Variants in BICD1 observed in about 807,000 individuals in gnomAD.
BICD1 encodes the protein protein bicaudal D homolog 1.
BICD1 carries 35 observed loss-of-function variants against 92.5 expected under a neutral mutation model. The ratio of observed to expected loss-of-function variants is 0.38; its 90% CI spans 0.29 to 0.50. The LOEUF (loss-of-function observed/expected upper bound fraction) is 0.50. Among genes scored for constraint, BICD1 ranks in the 20% least tolerant of loss-of-function variants. The pLI is 0.93. For synonymous variants in BICD1, 429 were observed against 465.1 expected, an observed-to-expected ratio of 0.92 and a Z score of 1.00; for missense variants, 950 against 1,189.8, an observed-to-expected ratio of 0.80 and a Z score of 2.97.
intron 2 of BICD1, among the ~76,000 whole-genome samples, chr12:32,252,788 A>C (rs1366034957): frequency 2.0e-5 from 3 of 152,168 alleles, no homozygotes; most frequent in South Asian, 2.1e-4. Context: ...TCTTGTAGTC[A>C]TGATATGTCT....
intron 8 of BICD1, among the ~76,000 whole-genome samples, chr12:32,357,541 G>C (rs1009855427): frequency 6.6e-6 from 1 of 152,166 alleles, no homozygotes; most frequent in African/African-American, 2.4e-5. Context: ...GGCTGTGTTA[G>C]TCTGCTGGGG....
Position 32,381,545 on chromosome 12 carries a change from T to A in BICD1, c.*3918T>A, listed in dbSNP as rs1417577850. 6.6e-6 allele frequency: 1 copy of A among 152,138 alleles called. No homozygotes were observed. Among genetic ancestry groups the A allele is most frequent in the East Asian group, 1.9e-4 (1 of 5,200 alleles). 9.4% of individuals were successfully genotyped at this position (152,138 alleles called of 1,614,324 possible). ...TGTATTAATTAAAGTTCTCTACATG[T>A]CTCAAATGGAGATCACAAAACATGA... On this transcript the variant is annotated 3_prime_UTR_variant, in exon 10 of 10. Transcript: ENST00000652176.
intron 2 of BICD1, among the ~76,000 whole-genome samples, chr12:32,237,740 C>T (rs2650133): frequency 0.42 from 63,322 of 151,952 alleles, 14,671 homozygotes; most frequent in Non-Finnish European, 0.51. Context: ...GCTGTTGAGA[C>T]CTACCACTCA....
intron 2 of BICD1, among the ~76,000 whole-genome samples, chr12:32,284,566 C>T (rs1474334429): frequency 1.3e-5 from 2 of 152,140 alleles, no homozygotes; most frequent in Admixed American, 6.5e-5. Flanking sequence ...GGCATTGGAG[C>T]AGCTGCTTAA....
At chr12:32,150,166 C>G (rs1347946040) in intron 1 of BICD1, among the ~76,000 whole-genome samples, 1 of 152,180 alleles carries the variant, frequency 6.6e-6, no homozygotes, top group Non-Finnish European at 1.5e-5. Flanking sequence ...CACCGGGTCC[C>G]TCCTACAACA....
intron 1 of BICD1, chr12:32,108,417 C>A (rs1368797970): frequency 3.0e-6 from 1 of 332,900 alleles, no homozygotes; most frequent in African/African-American, 2.1e-5. Flanking sequence ...GCTTTGATTT[C>A]CTATCAGTCA....
chr12:32,302,453 G>T (rs1183645755), intron 3 of BICD1, among the ~76,000 whole-genome samples: 1 of 152,168 alleles, frequency 6.6e-6, no homozygotes, highest in Non-Finnish European at 1.5e-5. Context: ...AGGGACACAT[G>T]CCTTTGAGCA....
In BICD1 at chr12:32,284,524, C is replaced by T. The variant is rs545913245; in HGVS notation, c.427-9470C>T. Among the ~76,000 whole-genome samples the T allele has an allele frequency of 3.3e-5, 5 of 152,208 alleles. No homozygotes were observed. The East Asian group carries it at 5.8e-4, about 18-fold the overall frequency. ...AACTGAGATGTTCCCCGATCTGTCC[C>T]CTCCGTATTCTTCATGTCTTCTCTC... is the stretch of plus-strand genomic sequence containing the variant. On this transcript the variant is annotated intron_variant, in intron 2 of 9. Coordinates refer to ENST00000652176, the MANE Select transcript of BICD1 (RefSeq NM_001714.4).
At chr12:32,322,466 A>G (rs1592671388) in intron 4 of BICD1, among the ~76,000 whole-genome samples, 1 of 152,128 alleles carries the variant, frequency 6.6e-6, no homozygotes, top group African/African-American at 2.4e-5. Flanking sequence ...GCAGTTCACA[A>G]TAGGGTTCGC....
intron 8 of BICD1, among the ~76,000 whole-genome samples, chr12:32,365,821 C>CT (rs1402409200): frequency 2.0e-5 from 3 of 152,124 alleles, no homozygotes; most frequent in African/African-American, 4.8e-5. Context: ...CCTTAAGACT[C>CT]TGAGTTTCTA....
intron 1 of BICD1, chr12:32,109,554 C>A (rs663042): frequency 1.3e-5 from 2 of 151,656 alleles, no homozygotes; most frequent in African/African-American, 4.8e-5. Context: ...ATATTTTGTT[C>A]TATATAGCAG....
At chr12:32,259,024 A>G (rs141920855) in intron 2 of BICD1, among the ~76,000 whole-genome samples, 24 of 152,238 alleles carry the variant, frequency 1.6e-4, no homozygotes, top group African/African-American at 5.5e-4. Context: ...CTGCTAAGTA[A>G]CAGGTGCTTT....
chr12:32,114,777 T>C (rs528008139), intron 1 of BICD1, among the ~76,000 whole-genome samples: 1 of 152,328 alleles, frequency 6.6e-6, no homozygotes, highest in African/African-American at 2.4e-5. Flanking sequence ...ACCAGTTAGT[T>C]TGATTGCTTT....
intron 2 of BICD1, among the ~76,000 whole-genome samples, chr12:32,252,160 ATATT>A (rs909290051): frequency 1.7e-5 from 2 of 117,450 alleles, no homozygotes; most frequent in African/African-American, 7.2e-5. Context: ...TACATATTAT[ATATT>A]TATAATAAAT....
intron 1 of BICD1, among the ~76,000 whole-genome samples, chr12:32,117,931 G>C (rs928772755): frequency 6.6e-6 from 1 of 150,602 alleles, no homozygotes; most frequent in Non-Finnish European, 1.5e-5. Flanking sequence ...TGTATTTTTA[G>C]TAGAGACAGG....
intron 4 of BICD1, among the ~76,000 whole-genome samples, chr12:32,314,506 T>C (rs965853777): frequency 3.3e-5 from 5 of 152,252 alleles, no homozygotes; most frequent in Admixed American, 1.3e-4. Flanking sequence ...TCATCTTGAC[T>C]TGTATTTCCT....
At chr12:32,202,797 G>A (rs1944943365) in intron 1 of BICD1, among the ~76,000 whole-genome samples, 1 of 152,152 alleles carries the variant, frequency 6.6e-6, no homozygotes, top group African/African-American at 2.4e-5. Flanking sequence ...TTTTTGTAGA[G>A]ATGGGGTCTC....
rs376363261 is a variant in BICD1, at chr12:32,328,077, G to C, written c.1622G>C (p.Ser541Thr). 1.9e-6 allele frequency: 3 copies of C among 1,614,050 alleles called. No homozygotes were observed. The highest frequency in any genetic ancestry group is 2.5e-6 in the Non-Finnish European group (3 of 1,180,042). ...GTCATGCTGGATTACTATAGGCAGA[G>C]CAGAGTCACCCGCAGTGGCAGCCTG... ...NRVMLDYYRQ[S>T]RVTRSGSLKG... Residue 541 changes from serine to threonine, a missense_variant, in exon 5 of 10, where the codon AGC (serine) becomes ACC (threonine). Ser to Thr is a moderately conservative substitution (Grantham distance 58). Coordinates refer to ENST00000652176, the MANE Select transcript of BICD1 (RefSeq NM_001714.4). This position sits in a 1 kb window ranked among gnomAD's most constrained non-coding sequence, Gnocchi z 4.4.
intron 1 of BICD1, among the ~76,000 whole-genome samples, chr12:32,126,126 C>T (rs577749209): frequency 6.6e-6 from 1 of 150,604 alleles, no homozygotes; most frequent in East Asian, 2.0e-4. Context: ...AGTATTGGTT[C>T]AATACTGAGC....
Sources: gnomAD v4.1 joint callset for allele counts (sites outside exome capture counted in the v4.1 genomes callset) on GRCh38, gnomAD v4.1.1 for gene constraint, Gnocchi (gnomAD v3.1) non-coding constraint, MANE v1.5 for transcripts, NCBI Gene and HGNC (gene_info 2026-07-23, HGNC 2026-07-21) for gene names.